Variants in DOCK10 observed in about 807,000 individuals in gnomAD.
DOCK10 encodes the protein dedicator of cytokinesis 10.
In DOCK10, 145 loss-of-function variants were observed where a neutral mutation model predicts 280.1. The ratio of observed to expected loss-of-function variants is 0.52; its 90% CI spans 0.45 to 0.59. DOCK10 has a LOEUF of 0.59. DOCK10 is among the 20% of genes least tolerant of loss of function. DOCK10 has a pLI of 0.00. For missense variants in DOCK10, 2,368 were observed against 2,651.7 expected, an observed-to-expected ratio of 0.89 and a Z score of 2.35; for synonymous variants, 915 against 942.2, an observed-to-expected ratio of 0.97 and a Z score of 0.53.
chr2:225,023,822 T>C (rs969052806), intron 1 of DOCK10, among the ~76,000 whole-genome samples: 1 of 152,164 alleles, frequency 6.6e-6, no homozygotes, highest in Admixed American at 6.5e-5. Flanking sequence ...GAAAGTATCA[T>C]CACTAGATGC....
intron 1 of DOCK10, among the ~76,000 whole-genome samples, chr2:224,950,116 A>G (rs1703644633): frequency 6.6e-6 from 1 of 152,250 alleles, no homozygotes; most frequent in African/African-American, 2.4e-5. Context: ...ATAGTGCTTT[A>G]GAAAGATTCA....
intron 1 of DOCK10, among the ~76,000 whole-genome samples, chr2:224,937,122 T>G (rs1214563849): frequency 6.6e-6 from 1 of 152,188 alleles, no homozygotes; most frequent in Non-Finnish European, 1.5e-5. Flanking sequence ...TTCACCTCTG[T>G]AGGGAACCAT....
Position 224,773,191 on chromosome 2 carries a change from A to T in DOCK10, c.6170T>A (p.Leu2057Gln). ...CTMEEVDMIR[L>Q]QLKLQGSVSV... ...GACACTTCCTTGCAGTTTGAGCTGC[A>T]GTCTGATCATGTCCACTTCTTCCAT... is the stretch of plus-strand genomic sequence containing the variant. The change falls in exon 53 of 56, where the codon CTG (leucine) becomes CAG (glutamine). Residue 2057 changes from leucine (L) to glutamine (Q), a missense_variant. This residue lies in a region of DOCK10 where 1,159 missense variants were observed against 1,400.8 expected (regional missense o/e 0.83). Coordinates refer to ENST00000258390, the MANE Select transcript of DOCK10 (RefSeq NM_014689.3). 6.2e-7 allele frequency: 1 copy of T among 1,613,710 alleles called. No individual in the cohort carries two copies. Among genetic ancestry groups the T allele is most frequent in the Non-Finnish European group, 8.5e-7 (1 of 1,179,670 alleles).
chr2:224,894,843 C>T (rs1348809151), intron 4 of DOCK10, among the ~76,000 whole-genome samples: 1 of 152,216 alleles, frequency 6.6e-6, no homozygotes, highest in Non-Finnish European at 1.5e-5. Context: ...CAGTCCCATT[C>T]TCCATAGAGT....
At chr2:224,851,048 G>A (rs939373552) in intron 18 of DOCK10, among the ~76,000 whole-genome samples, 5 of 152,186 alleles carry the variant, frequency 3.3e-5, no homozygotes, top group African/African-American at 7.2e-5. Context: ...CTCCTGATAC[G>A]CCAGCTTCCA....
At chr2:224,844,936 T>A in intron 21 of DOCK10, 97 bp from the exon 22 acceptor site, 1 of 932,668 alleles carries the variant, frequency 1.1e-6, no homozygotes, top group Non-Finnish European at 1.7e-6. Context: ...TCTGATCCAT[T>A]AATCTTATAT....
At chr2:224,952,595 T>A (rs13395896) in intron 1 of DOCK10, among the ~76,000 whole-genome samples, 44,378 of 110,908 alleles carry the variant, frequency 0.4, 7,221 homozygotes, top group Non-Finnish European at 0.46. Context: ...TTATGTTATT[T>A]TTTTTTTTTT....
intron 48 of DOCK10, 149 bp downstream of exon 48, chr2:224,788,915 T>G (rs1691943990): frequency 1.7e-6 from 1 of 578,462 alleles, no homozygotes; most frequent in Non-Finnish European, 3.0e-6. Context: ...TCTACTAATC[T>G]TGGCTTAATT....
intron 11 of DOCK10, among the ~76,000 whole-genome samples, chr2:224,867,430 G>T (rs1698002110): frequency 6.6e-6 from 1 of 152,144 alleles, no homozygotes; most frequent in South Asian, 2.1e-4. Flanking sequence ...CCTCTTCATG[G>T]CTTTCTCTCC....
intron 28 of DOCK10, among the ~76,000 whole-genome samples, chr2:224,821,928 A>T (rs529396952): frequency 1.3e-5 from 2 of 152,318 alleles, no homozygotes; most frequent in South Asian, 4.1e-4. Context: ...TCAGAGACAA[A>T]ACCTTGAAGA....
chr2:224,906,747 G>A (rs549920518), intron 3 of DOCK10, among the ~76,000 whole-genome samples: 1 of 152,330 alleles, frequency 6.6e-6, no homozygotes, highest in South Asian at 2.1e-4. Flanking sequence ...CCAAAGTGCT[G>A]GGATTACAGG....
At chr2:224,974,704 G>A (rs1705300133) in intron 1 of DOCK10, among the ~76,000 whole-genome samples, 1 of 141,626 alleles carries the variant, frequency 7.1e-6, no homozygotes, top group South Asian at 2.3e-4. Flanking sequence ...AAAACTACAT[G>A]TTTTTACTTG....
Position 224,805,805 on chromosome 2 carries a change from A to T in DOCK10, c.3815-276T>A, listed in dbSNP as rs1020939003. Among the ~76,000 whole-genome samples, 1 of 152,176 alleles carries T rather than the reference A, an allele frequency of 6.6e-6. No homozygotes were observed. The highest frequency in any genetic ancestry group is 2.4e-5 in the African/African-American group (1 of 41,450). ...ATTTCCAAAACAGTTCTTAAAAATA[A>T]TACTTGAAGTTGAAAAGCCATTATA... On this transcript the variant is annotated intron_variant, in intron 34 of 55. Transcript: ENST00000258390. This position sits in a 1 kb window ranked among gnomAD's most constrained non-coding sequence, Gnocchi z 4.3.
Position 224,805,704 on chromosome 2 carries a change from C to T in DOCK10, c.3815-175G>A, listed in dbSNP as rs1194941508. 6.6e-6 allele frequency among the ~76,000 whole-genome samples: 1 copy of T among 152,064 alleles called. No homozygotes were observed. The highest frequency in any genetic ancestry group is 1.5e-5 in the Non-Finnish European group (1 of 68,006). On this transcript the variant is annotated intron_variant, in intron 34 of 55. Transcript: ENST00000258390. This position sits in a 1 kb window ranked among gnomAD's most constrained non-coding sequence, Gnocchi z 4.3. ...AAAGCCAGCTCTTGTTTTAAAAATGCTTTAGTAAAAGTTCATAAAGATACT... is the reference window on the plus strand; with the variant it reads ...AAAGCCAGCTCTTGTTTTAAAAATGTTTTAGTAAAAGTTCATAAAGATACT...
chr2:224,794,873 A>C lies in DOCK10; in HGVS notation c.5154+6T>G, dbSNP rs1195690947. 1 of 1,613,072 alleles carries C rather than the reference A, an allele frequency of 6.2e-7. No individual in the cohort carries two copies. Among genetic ancestry groups the C allele is most frequent in the Non-Finnish European group, 8.5e-7 (1 of 1,179,694 alleles). ...GATGGTAAATGACCAAGCCTTGGCT[A>C]ATCACCTCAGATAAATCTCCGTTTC... On this transcript the variant is annotated splice_donor_region_variant and intron_variant, in intron 45 of 55. Transcript: ENST00000258390.
chr2:224,974,761 C>T (rs184480852), intron 1 of DOCK10, among the ~76,000 whole-genome samples: 5 of 99,374 alleles, frequency 5.0e-5, no homozygotes, highest in South Asian at 7.4e-4. Context: ...CCCCAAAACA[C>T]GTACATCCAC....
chr2:224,771,756 C>T (rs184122810), intron 53 of DOCK10, among the ~76,000 whole-genome samples: 2 of 152,292 alleles, frequency 1.3e-5, no homozygotes, highest in East Asian at 3.9e-4. Flanking sequence ...CTCCACTTCC[C>T]TTCACTCAGC....
rs1421633540 is a variant in DOCK10 at position 224,805,252 on chromosome 2, C to T, written c.4005G>A (p.Arg1335=). 6 of 1,612,976 alleles carry T rather than the reference C, an allele frequency of 3.7e-6. No homozygotes were observed. Among genetic ancestry groups the T allele is most frequent in the Non-Finnish European group, 4.2e-6 (5 of 1,179,352 alleles). ...TGTGAAGAAAACACATCAGGAGACTCCTGGTTTCTGCTTGATCTAACTTGT... is the reference window on the plus strand; with the variant it reads ...TGTGAAGAAAACACATCAGGAGACTTCTGGTTTCTGCTTGATCTAACTTGT... ...RFDKLDQAET[R]SLLMCFLHIM... Residue 1335 remains arginine (R), a synonymous_variant, in exon 36 of 56, where the codon AGG becomes AGA. Coordinates refer to ENST00000258390, the MANE Select transcript of DOCK10 (RefSeq NM_014689.3). This position sits in a 1 kb window ranked among gnomAD's most constrained non-coding sequence, Gnocchi z 4.3.
intron 1 of DOCK10, among the ~76,000 whole-genome samples, chr2:225,002,715 T>A (rs1432187701): frequency 1.3e-5 from 2 of 152,208 alleles, no homozygotes; most frequent in African/African-American, 4.8e-5. Flanking sequence ...AGCTGGCATC[T>A]CGTCACCCAC....
Sources: allele counts gnomAD v4.1 joint callset (sites outside exome capture counted in the v4.1 genomes callset), GRCh38; gene constraint gnomAD v4.1.1; regional missense constraint gnomAD v4.1.1; non-coding constraint Gnocchi (gnomAD v3.1); transcripts MANE v1.5; gene names NCBI Gene and HGNC (gene_info 2026-07-23, HGNC 2026-07-21).